DLG2: variants seen among roughly 807,000 people sequenced by gnomAD.
The protein encoded by DLG2 is disks large homolog 2.
DLG2 carries 45 observed loss-of-function variants against 132.5 expected under a neutral mutation model. That is an observed-to-expected ratio of 0.34 (90% CI 0.27 to 0.44). DLG2 has a LOEUF of 0.44. Among genes scored for constraint, DLG2 ranks in the 20% least tolerant of loss-of-function variants. DLG2 has a pLI of 1.00. For missense variants in DLG2, 1,045 were observed against 1,196.9 expected, an observed-to-expected ratio of 0.87 and a Z score of 1.87; for synonymous variants, 424 against 419.6, an observed-to-expected ratio of 1.01 and a Z score of -0.13.
chr11:83,829,732 C>CTTAT (rs144370797), intron 17 of DLG2, among the ~76,000 whole-genome samples: 35,077 of 150,940 alleles, frequency 0.23, 5,818 homozygotes, highest in African/African-American at 0.47. Context: ...TAGCCATTTT[C>CTTAT]TTATTTATTT....
At chr11:84,905,176 C>T (rs564120701) in intron 6 of DLG2, among the ~76,000 whole-genome samples, 14 of 152,256 alleles carry the variant, frequency 9.2e-5, no homozygotes, top group East Asian at 3.9e-4. Flanking sequence ...TGGGCCACTG[C>T]GCCCTAAAAA....
intron 11 of DLG2, among the ~76,000 whole-genome samples, chr11:84,014,257 G>A (rs1046565535): frequency 5.9e-5 from 9 of 152,120 alleles, no homozygotes; most frequent in African/African-American, 2.2e-4. Context: ...GGAAAGGCTT[G>A]TGAAACACCA....
At chr11:84,003,731 A>G (rs754204843) in intron 11 of DLG2, among the ~76,000 whole-genome samples, 3 of 152,128 alleles carry the variant, frequency 2.0e-5, no homozygotes, top group African/African-American at 2.4e-5. Context: ...GATTATAATT[A>G]AATATGAGAT....
intron 19 of DLG2, among the ~76,000 whole-genome samples, chr11:83,621,537 G>A (rs1227669312): frequency 1.3e-5 from 2 of 152,064 alleles, no homozygotes; most frequent in Non-Finnish European, 2.9e-5. Context: ...TGAAAGATTT[G>A]CTTTAGTGAA....
At chr11:84,083,748 A>G (rs2096935570) in intron 10 of DLG2, among the ~76,000 whole-genome samples, 1 of 152,164 alleles carries the variant, frequency 6.6e-6, no homozygotes, top group African/African-American at 2.4e-5. Context: ...CTCCAGAACC[A>G]TGAGCCTAAG....
At chr11:84,844,101 A>G (rs1047627271) in intron 6 of DLG2, among the ~76,000 whole-genome samples, 1 of 79,864 alleles carries the variant, frequency 1.3e-5, no homozygotes, top group Admixed American at 1.1e-4. Flanking sequence ...ATATATATAT[A>G]TGTTTGTGTG....
intron 6 of DLG2, among the ~76,000 whole-genome samples, chr11:84,853,887 G>A (rs1161409345): frequency 6.6e-6 from 1 of 151,982 alleles, no homozygotes; most frequent in Non-Finnish European, 1.5e-5. Flanking sequence ...TACCAATAAA[G>A]AATTTGATCC....
chr11:84,260,684 T>G (rs988571335), intron 7 of DLG2, among the ~76,000 whole-genome samples: 2 of 152,202 alleles, frequency 1.3e-5, no homozygotes, highest in Non-Finnish European at 2.9e-5. Context: ...AACTTTCTCT[T>G]GTCTATAGAG....
At chr11:84,004,371 T>A (rs1228879668) in intron 11 of DLG2, among the ~76,000 whole-genome samples, 1 of 152,094 alleles carries the variant, frequency 6.6e-6, no homozygotes. Context: ...GAATAAGTAT[T>A]TGAAAAACTG....
At chr11:84,622,302 A>C (rs778767794) in intron 6 of DLG2, among the ~76,000 whole-genome samples, 3 of 152,194 alleles carry the variant, frequency 2.0e-5, no homozygotes, top group Non-Finnish European at 4.4e-5. Context: ...CCAGTTCACC[A>C]CCAGAAAGAG....
intron 3 of DLG2, among the ~76,000 whole-genome samples, chr11:85,347,912 G>A (rs1310231505): frequency 3.2e-5 from 4 of 125,684 alleles, no homozygotes; most frequent in African/African-American, 1.2e-4. Flanking sequence ...TAAGCAATCC[G>A]CTCACCTCAG....
At chr11:85,006,694 AT>A (rs1158526021) in intron 6 of DLG2, among the ~76,000 whole-genome samples, 1 of 151,424 alleles carries the variant, frequency 6.6e-6, no homozygotes, top group Admixed American at 6.6e-5. Flanking sequence ...GGCTTCACTG[AT>A]TTTTTTGAAG....
At chr11:84,492,257 A>G (rs2099167146) in intron 7 of DLG2, among the ~76,000 whole-genome samples, 1 of 152,174 alleles carries the variant, frequency 6.6e-6, no homozygotes, top group African/African-American at 2.4e-5. Context: ...CTAACTGCAT[A>G]TAATCAGTGA....
intron 6 of DLG2, among the ~76,000 whole-genome samples, chr11:85,028,856 G>A (rs1166011019): frequency 6.6e-6 from 1 of 152,114 alleles, no homozygotes; most frequent in Non-Finnish European, 1.5e-5. Flanking sequence ...TCTGAAAAGG[G>A]CTGGGCTCCT....
intron 19 of DLG2, among the ~76,000 whole-genome samples, chr11:83,555,260 T>C (rs190216483): frequency 2.5e-4 from 38 of 152,256 alleles, no homozygotes; most frequent in African/African-American, 8.7e-4. Context: ...GGCCAGGTCA[T>C]GGAGAATCCT....
intron 8 of DLG2, among the ~76,000 whole-genome samples, chr11:84,213,811 T>C (rs1262602628): frequency 8.9e-6 from 1 of 112,016 alleles, no homozygotes; most frequent in Non-Finnish European, 1.7e-5. Context: ...AGAGCGAGAC[T>C]CCGTCTCAAA....
chr11:84,584,369 ATTTATT>A (rs1366325799), intron 6 of DLG2, among the ~76,000 whole-genome samples: 1 of 151,730 alleles, frequency 6.6e-6, no homozygotes, highest in African/African-American at 2.4e-5. Flanking sequence ...TATTATTTAT[ATTTATT>A]TTTATTTTTA....
chr11:84,192,709 G>T (rs192300397), intron 8 of DLG2, among the ~76,000 whole-genome samples: 1 of 152,044 alleles, frequency 6.6e-6, no homozygotes, highest in Non-Finnish European at 1.5e-5. Flanking sequence ...CAGCCTGGGC[G>T]ACAGGGCGAG....
chr11:85,278,973 T>C (rs577165602), intron 4 of DLG2, among the ~76,000 whole-genome samples: 4 of 152,308 alleles, frequency 2.6e-5, no homozygotes, highest in Admixed American at 2.6e-4. Context: ...TTAGAGAAGT[T>C]ATATTTTTAA....
Sources: gnomAD v4.1 joint callset for allele counts (sites outside exome capture counted in the v4.1 genomes callset) on GRCh38, gnomAD v4.1.1 for gene constraint, MANE v1.5 for transcripts, NCBI Gene and HGNC (gene_info 2026-07-23, HGNC 2026-07-21) for gene names.